KIRREL3: variants seen among roughly 807,000 people sequenced by gnomAD.
KIRREL3 encodes kin of IRRE-like protein 3.
Under a neutral mutation model 89.7 loss-of-function variants are expected in KIRREL3, and 36 were observed. The ratio of observed to expected loss-of-function variants is 0.40; its 90% CI spans 0.31 to 0.53. The LOEUF (loss-of-function observed/expected upper bound fraction) is 0.53, where lower values mean the gene tolerates loss of function less well. Among genes scored for constraint, KIRREL3 ranks in the 20% least tolerant of loss-of-function variants. KIRREL3 has a pLI of 0.49. For synonymous variants in KIRREL3, 445 were observed against 441.4 expected (o/e 1.01, Z -0.10); for missense variants, 864 against 1,056.6 (o/e 0.82, Z 2.53).
chr11:126,629,651 G>T (rs1943936361), intron 1 of KIRREL3, among the ~76,000 whole-genome samples: 2 of 152,230 alleles, frequency 1.3e-5, no homozygotes, highest in Non-Finnish European at 2.9e-5. Flanking sequence ...ATAGGCTTCA[G>T]ATTGGGTCTG....
intron 1 of KIRREL3, among the ~76,000 whole-genome samples, chr11:126,637,903 T>C (rs974384407): frequency 3.3e-5 from 5 of 152,212 alleles, no homozygotes; most frequent in African/African-American, 1.2e-4. Context: ...ATGACCATTG[T>C]ACAGTGGAAA....
At position 126,587,308 on chromosome 11, in the gene KIRREL3, A is replaced by G. The variant is rs146127912; in HGVS notation, c.56-24396T>C. On this transcript the variant is annotated intron_variant, in intron 1 of 16. Transcript: ENST00000525144. The surrounding 1 kb of genome is among the most constrained non-coding windows in gnomAD (Gnocchi z 5.2). The stretch of plus-strand genomic sequence containing the variant: ...GTGCAAAGGCTGGGAGGTCAGAAAG[A>G]ACACACTCTGCTCCGGTGATGGCAT... Among the ~76,000 whole-genome samples, 86 of 152,298 alleles carry G rather than the reference A, an allele frequency of 5.6e-4. 1 individual carries two copies. The highest frequency in any genetic ancestry group is 1.9e-3 in the African/African-American group (80 of 41,564).
At chr11:126,925,361 G>T (rs1381517220) in intron 1 of KIRREL3, among the ~76,000 whole-genome samples, 1 of 152,220 alleles carries the variant, frequency 6.6e-6, no homozygotes, top group Non-Finnish European at 1.5e-5. Flanking sequence ...GGTGGCGGGG[G>T]GAGCATGGCA....
chr11:126,933,546 T>TA (rs898016478), intron 1 of KIRREL3, among the ~76,000 whole-genome samples: 6 of 150,704 alleles, frequency 4.0e-5, no homozygotes, highest in African/African-American at 9.8e-5. Flanking sequence ...ATTTCATATG[T>TA]AAAAAAATCC....
rs1947655106 is a variant in KIRREL3, at chr11:126,709,107, C to G, written c.56-146195G>C. ...GAAGGAGAGGAGAGCCTACACTGTG[C>G]TGGGTCACTGTGTTACGCTATGTGC... On this transcript the variant is annotated intron_variant, in intron 1 of 16. Coordinates refer to ENST00000525144, the MANE Select transcript of KIRREL3 (RefSeq NM_032531.4). This position sits in a 1 kb window ranked among gnomAD's most constrained non-coding sequence, Gnocchi z 4.0. Among the ~76,000 whole-genome samples the G allele has an allele frequency of 6.6e-6, 1 of 152,234 alleles. No individual in the cohort carries two copies. The highest frequency in any genetic ancestry group is 6.5e-5 in the Admixed American group (1 of 15,286).
rs546921116 is a variant in KIRREL3, at chr11:126,863,460, TGC to T, written c.55+136993_55+136994del. ...GCGTGTGTGAGTGTGTGTGTTTGAGTGCGTGTGTGTGTGAGTGCGTGTGTGAG... is the reference window on the plus strand; with the variant it reads ...GCGTGTGTGAGTGTGTGTGTTTGAGTGTGTGTGTGTGAGTGCGTGTGTGAG... On this transcript the variant is annotated intron_variant, in intron 1 of 16. Transcript: ENST00000525144. Among the ~76,000 whole-genome samples, 104 of 48,664 alleles carry T rather than the reference TGC, an allele frequency of 2.1e-3. 2 individuals carry two copies. The East Asian group carries it at 0.25, about 117-fold the overall frequency. 31.9% of individuals were successfully genotyped at this position (48,664 alleles called of 152,430 possible).
intron 1 of KIRREL3, among the ~76,000 whole-genome samples, chr11:126,786,349 CT>C (rs1375791778): frequency 6.6e-6 from 1 of 152,054 alleles, no homozygotes; most frequent in Non-Finnish European, 1.5e-5. Context: ...TGAGTTGATT[CT>C]TTTTTCTTTT....
intron 1 of KIRREL3, among the ~76,000 whole-genome samples, chr11:126,921,391 GTATCTATCTATCTATCTATCTATCTATC>G (rs35917135): frequency 1.4e-5 from 2 of 144,026 alleles, no homozygotes; most frequent in Non-Finnish European, 3.1e-5. Flanking sequence ...ATCCTGTCTT[GTATCTATCTATCTATCTATCTATCTATC>G]TATCTATCTA....
rs1386724895 is a variant in KIRREL3, at chr11:126,636,971, T to C, written c.56-74059A>G. 1.3e-5 allele frequency among the ~76,000 whole-genome samples: 2 copies of C among 152,178 alleles called. No homozygotes were observed. Among genetic ancestry groups the C allele is most frequent in the African/African-American group, 4.8e-5 (2 of 41,452 alleles). On this transcript the variant is annotated intron_variant, in intron 1 of 16. Transcript: ENST00000525144. The surrounding 1 kb of genome is among the most constrained non-coding windows in gnomAD (Gnocchi z 4.4). ...GATAAAAAGGCGATGTGAAAGTCCCTAGGAGGGTAGGCACTTAGTAATACT... is the reference window on the plus strand; with the variant it reads ...GATAAAAAGGCGATGTGAAAGTCCCCAGGAGGGTAGGCACTTAGTAATACT...
At chr11:126,425,137 G>C in intron 16 of KIRREL3, 114 bp from the exon 17 acceptor site, 6 of 1,004,154 alleles carry the variant, frequency 6.0e-6, no homozygotes, top group Non-Finnish European at 8.6e-6. Flanking sequence ...GAAAACAGGA[G>C]GAAGGGAGCA....
At position 126,771,110 on chromosome 11, in the gene KIRREL3, T is replaced by A. The variant is rs1950007134; in HGVS notation, c.56-208198A>T. Among the ~76,000 whole-genome samples the A allele has an allele frequency of 6.6e-6, 1 of 152,208 alleles. No homozygotes were observed. The highest frequency in any genetic ancestry group is 1.5e-5 in the Non-Finnish European group (1 of 68,036). On this transcript the variant is annotated intron_variant, in intron 1 of 16. Transcript: ENST00000525144. The surrounding 1 kb of genome is among the most constrained non-coding windows in gnomAD (Gnocchi z 4.4). ...CCTTGGCATCCCAAAGTCCTGGGAT[T>A]ACAGGCATGAGCCACTTCCTCTGGC...
rs776792710 is a variant in KIRREL3, at chr11:126,897,158, G to A, written c.55+103297C>T. ...AAAGCAAACCCTTCTGGTCACCCTG[G>A]GTCAGAGGAGCACAGGTGGTCCCAT... On this transcript the variant is annotated intron_variant, in intron 1 of 16. Transcript: ENST00000525144. This position sits in a 1 kb window ranked among gnomAD's most constrained non-coding sequence, Gnocchi z 4.2. Among the ~76,000 whole-genome samples the A allele has an allele frequency of 6.6e-6, 1 of 152,068 alleles. No homozygotes were observed. Among genetic ancestry groups the A allele is most frequent in the Admixed American group, 6.5e-5 (1 of 15,280 alleles).
chr11:126,473,020 A>G (rs911304505), intron 5 of KIRREL3, among the ~76,000 whole-genome samples: 1 of 45,820 alleles, frequency 2.2e-5, no homozygotes, highest in African/African-American at 1.4e-4. Context: ...CCAGCCCCCC[A>G]CTATCCTCCC....
intron 1 of KIRREL3, among the ~76,000 whole-genome samples, chr11:126,968,202 G>A (rs1949329405): frequency 6.6e-6 from 1 of 152,102 alleles, no homozygotes; most frequent in Non-Finnish European, 1.5e-5. Context: ...ATTACAAGCT[G>A]ACAAACATGC....
Position 126,677,107 on chromosome 11 carries a change from G to T in KIRREL3, c.56-114195C>A, listed in dbSNP as rs972924894. On this transcript the variant is annotated intron_variant, in intron 1 of 16. Transcript: ENST00000525144. The surrounding 1 kb of genome is among the most constrained non-coding windows in gnomAD (Gnocchi z 5.1). ...ACAGTTCACATATGGCCCACTTAAA[G>T]AATACAATTCAGTGATTTTTAATAT... 6.6e-6 allele frequency among the ~76,000 whole-genome samples: 1 copy of T among 151,834 alleles called. No homozygotes were observed. Among genetic ancestry groups the T allele is most frequent in the African/African-American group, 2.4e-5 (1 of 41,286 alleles).
At chr11:126,493,205 G>A (rs190772348) in intron 4 of KIRREL3, among the ~76,000 whole-genome samples, 12 of 152,308 alleles carry the variant, frequency 7.9e-5, no homozygotes, top group East Asian at 1.9e-4. Context: ...TGAGCCCAAT[G>A]CCTCTCAGGC....
chr11:126,558,630 G>C lies in KIRREL3; in HGVS notation c.133+4205C>G, dbSNP rs1939880144. Among the ~76,000 whole-genome samples the C allele has an allele frequency of 6.6e-6, 1 of 152,192 alleles. No individual in the cohort carries two copies. Among genetic ancestry groups the C allele is most frequent in the Non-Finnish European group, 1.5e-5 (1 of 68,040 alleles). ...TAGAGTTGTTGACAGGTCTAACATA[G>C]AGGAGGCCTGAGCTCTCTGAGGCAG... On this transcript the variant is annotated intron_variant, in intron 2 of 16. Coordinates refer to ENST00000525144, the MANE Select transcript of KIRREL3 (RefSeq NM_032531.4). This position sits in a 1 kb window ranked among gnomAD's most constrained non-coding sequence, Gnocchi z 4.0.
chr11:126,833,222 T>C lies in KIRREL3; in HGVS notation c.55+167233A>G, dbSNP rs557336976. 8.5e-4 allele frequency among the ~76,000 whole-genome samples: 130 copies of C among 152,340 alleles called. 1 individual carries two copies. The Middle Eastern group carries it at 0.017, about 20-fold the overall frequency. Reference sequence around the variant, plus strand: ...GCTTGCTCTAATGGGGACCCAGTTTTCCCTGTCCTCAGTTAAGTATTTTAT... The same window carrying C: ...GCTTGCTCTAATGGGGACCCAGTTTCCCCTGTCCTCAGTTAAGTATTTTAT... On this transcript the variant is annotated intron_variant, in intron 1 of 16. Coordinates refer to ENST00000525144, the MANE Select transcript of KIRREL3 (RefSeq NM_032531.4).
rs1304388374 is a variant in KIRREL3 at position 126,996,241 on chromosome 11, C to T, written c.55+4214G>A. ...CACAAAAGAACTGATTCTTCTTCCT[C>T]TAGACAAGACGTCATCCCACATGGG... On this transcript the variant is annotated intron_variant, in intron 1 of 16. Coordinates refer to ENST00000525144, the MANE Select transcript of KIRREL3 (RefSeq NM_032531.4). This position sits in a 1 kb window ranked among gnomAD's most constrained non-coding sequence, Gnocchi z 4.7. 6.6e-6 allele frequency among the ~76,000 whole-genome samples: 1 copy of T among 152,220 alleles called. No homozygotes were observed. The highest frequency in any genetic ancestry group is 1.5e-5 in the Non-Finnish European group (1 of 68,042).
Sources: gnomAD v4.1 joint callset for allele counts (sites outside exome capture counted in the v4.1 genomes callset) on GRCh38, gnomAD v4.1.1 for gene constraint, Gnocchi (gnomAD v3.1) non-coding constraint, MANE v1.5 for transcripts, NCBI Gene and HGNC (gene_info 2026-07-23, HGNC 2026-07-21) for gene names.